The following SPC24 variants were observed in gnomAD, a reference collection of about 807,000 sequenced individuals.
SPC24 encodes the protein kinetochore protein Spc24.
Under a neutral mutation model 27.6 loss-of-function variants are expected in SPC24, and 31 were observed. The ratio of observed to expected loss-of-function variants is 1.12; its 90% confidence interval spans 0.84 to 1.52. The LOEUF (loss-of-function observed/expected upper bound fraction) is 1.52, where lower values mean the gene tolerates loss of function less well. SPC24 is among the 40% of genes most tolerant of loss of function. SPC24 has a pLI of 0.00. For synonymous variants in SPC24, 105 were observed against 105.8 expected (o/e 0.99, Z 0.05); for missense variants, 284 against 252.5 (o/e 1.12, Z -0.84).
In SPC24 at chr19:11,147,861, T is replaced by A; in HGVS notation, c.444A>T (p.Lys148Asn). The change falls in exon 4 of 5, where the codon AAA becomes AAT. Residue 148 changes from lysine (K) to asparagine (N), a missense_variant. Transcript: ENST00000592540. Reference sequence around the variant, plus strand: ...GCTCACACTCATAATCCCACTCAATTTTACTAACTTGGTGGTAAAGTTGAG... The same window carrying A: ...GCTCACACTCATAATCCCACTCAATATTACTAACTTGGTGGTAAAGTTGAG... ...YVAQLYHQVS[K>N]IEWDYECEPG... 6.2e-7 allele frequency: 1 copy of A among 1,609,766 alleles called. No individual in the cohort carries two copies. Among genetic ancestry groups the A allele is most frequent in the Non-Finnish European group, 8.5e-7 (1 of 1,178,862 alleles).
At chr19:11,153,990 C>T (rs1423876224) in intron 1 of SPC24, among the ~76,000 whole-genome samples, 10 of 151,592 alleles carry the variant, frequency 6.6e-5, no homozygotes, top group Admixed American at 2.0e-4. Flanking sequence ...AGGAGAATGG[C>T]GTGAACCCAG....
chr19:11,147,373 T>G, intron 4 of SPC24, 84 bp from the exon 5 acceptor site: 1 of 951,204 alleles, frequency 1.1e-6, no homozygotes, highest in Non-Finnish European at 1.6e-6. Context: ...TTTACTTTTT[T>G]TTTTTGAGAC....
intron 1 of SPC24, among the ~76,000 whole-genome samples, chr19:11,153,527 C>T (rs1017345228): frequency 6.6e-6 from 1 of 151,904 alleles, no homozygotes; most frequent in Non-Finnish European, 1.5e-5. Flanking sequence ...TTTGGGAGAC[C>T]GAGGCGGGCG....
Position 11,146,342 on chromosome 19 carries a change from T to C in SPC24, c.*841A>G, listed in dbSNP as rs11557092. ...CTGTCATCGAATACCACGGTGTCATTTGTCCCATCCCGTCACAGATGTGAA... is the reference window on the plus strand; with the variant it reads ...CTGTCATCGAATACCACGGTGTCATCTGTCCCATCCCGTCACAGATGTGAA... On this transcript the variant is annotated 3_prime_UTR_variant, in exon 5 of 5. Coordinates refer to ENST00000592540, the MANE Select transcript of SPC24 (RefSeq NM_182513.4). 89,426 of 150,984 alleles carry C rather than the reference T, an allele frequency of 0.59. 29,966 individuals are homozygous for C. Among genetic ancestry groups the C allele is most frequent in the Non-Finnish European group, 0.73 (49,782 of 67,874 alleles). The allele number at this position is 150,984 out of a possible 1,614,324, so 9.4% of individuals were successfully genotyped here.
At chr19:11,147,487 A>C (rs1234678137) in intron 4 of SPC24, 198 bp from the exon 5 acceptor site, 1 of 576,128 alleles carries the variant, frequency 1.7e-6, no homozygotes, top group Non-Finnish European at 3.1e-6. Context: ...CAGCCTCCTG[A>C]GTAGCTGGGA....
rs537007489 is a variant in SPC24, at chr19:11,151,094, C to T, written c.161-1856G>A. Among the ~76,000 whole-genome samples the T allele has an allele frequency of 3.1e-4, 41 of 132,570 alleles. No homozygotes were observed. In the East Asian group the frequency reaches 9.1e-3, roughly 29 times the overall value. The allele number at this position is 132,570 out of a possible 152,430, so 87.0% of individuals were successfully genotyped here. ...AGGAGAATGGTGTGAACCTGGGAGG[C>T]GGAGCTTGCAGTGAGCCAAGATCAC... On this transcript the variant is annotated intron_variant, in intron 1 of 4. Coordinates refer to ENST00000592540, the MANE Select transcript of SPC24 (RefSeq NM_182513.4).
chr19:11,152,636 C>T (rs905322554), intron 1 of SPC24, among the ~76,000 whole-genome samples: 1 of 152,108 alleles, frequency 6.6e-6, no homozygotes, highest in African/African-American at 2.4e-5. Flanking sequence ...ATCTGTTTGA[C>T]CCAAAGCCTA....
Position 11,155,725 on chromosome 19 carries a change from G to A in SPC24, c.52C>T (p.Leu18=), listed in dbSNP as rs759108449. 3.8e-6 allele frequency: 6 copies of A among 1,579,276 alleles called. No individual in the cohort carries two copies. Among genetic ancestry groups the A allele is most frequent in the Non-Finnish European group, 5.1e-6 (6 of 1,170,798 alleles). ...EEVSQGLLSL[L]GANRAEAQQR... ...TGCGCCTCCGCGCGGTTGGCGCCCA[G>A]CAGGCTGAGCAGCCCCTGGCTCACC... Residue 18 remains leucine, a synonymous_variant, in exon 1 of 5, where the codon CTG becomes TTG. Coordinates refer to ENST00000592540, the MANE Select transcript of SPC24 (RefSeq NM_182513.4).
intron 4 of SPC24, 106 bp downstream of exon 4, chr19:11,147,712 A>T: frequency 9.8e-7 from 1 of 1,022,744 alleles, no homozygotes; most frequent in South Asian, 1.4e-5. Flanking sequence ...GGGACAACAG[A>T]TGCACGCCAC....
intron 1 of SPC24, among the ~76,000 whole-genome samples, chr19:11,152,935 T>C (rs1003949167): frequency 1.7e-4 from 26 of 151,814 alleles, no homozygotes; most frequent in African/African-American, 4.8e-5. Context: ...GCATTTGCAA[T>C]CCACGCTGCC....
rs139774348 is a variant in SPC24, at chr19:11,150,769, G to A, written c.161-1531C>T. 5.8e-3 allele frequency among the ~76,000 whole-genome samples: 877 copies of A among 152,218 alleles called. 4 individuals carry two copies. The highest frequency in any genetic ancestry group is 0.02 in the Middle Eastern group (6 of 294). On this transcript the variant is annotated intron_variant, in intron 1 of 4. Coordinates refer to ENST00000592540, the MANE Select transcript of SPC24 (RefSeq NM_182513.4). The stretch of plus-strand genomic sequence containing the variant: ...ACTGTGCCACTGCACTCCAGCCTGG[G>A]TGACAGAGAGAGACCCTTTCTCAAA...
intron 1 of SPC24, among the ~76,000 whole-genome samples, chr19:11,154,693 G>C (rs887152962): frequency 2.0e-5 from 3 of 152,130 alleles, no homozygotes; most frequent in African/African-American, 7.2e-5. Context: ...TCCTCGTAAG[G>C]TTCCTAGAGG....
intron 1 of SPC24, among the ~76,000 whole-genome samples, chr19:11,150,519 G>T (rs113347706): frequency 6.6e-6 from 1 of 151,582 alleles, no homozygotes. Flanking sequence ...ACTGGTGGCT[G>T]GGCACAGTGG....
rs1283117437 is a variant in SPC24 at position 11,146,479 on chromosome 19, A to AAAAAAAAAAAAAAAAG, written c.*703_*704insCTTTTTTTTTTTTTTT. 29 of 144,128 alleles carry AAAAAAAAAAAAAAAAG rather than the reference A, an allele frequency of 2.0e-4. No individual in the cohort carries two copies. Among genetic ancestry groups the AAAAAAAAAAAAAAAAG allele is most frequent in the Non-Finnish European group, 3.7e-4 (24 of 65,596 alleles). 8.9% of individuals were successfully genotyped at this position (144,128 alleles called of 1,614,324 possible). On this transcript the variant is annotated 3_prime_UTR_variant, in exon 5 of 5. Coordinates refer to ENST00000592540, the MANE Select transcript of SPC24 (RefSeq NM_182513.4). ...AAGAAATCCAGTAAAAAAAAAAAAA[A>AAAAAAAAAAAAAAAAG]AAAAGGCCAGGCGCGGTGACTCACA... is the stretch of plus-strand genomic sequence containing the variant.
chr19:11,154,096 T>C (rs1471461532), intron 1 of SPC24, among the ~76,000 whole-genome samples: 1 of 151,566 alleles, frequency 6.6e-6, no homozygotes, highest in Non-Finnish European at 1.5e-5. Flanking sequence ...AATACAGTCT[T>C]GAAGAGATAT....
In SPC24 at chr19:11,146,478, A is replaced by AAAAAAAAAAAAAAAAAAAC. The variant is rs2077824377; in HGVS notation, c.*704_*705insGTTTTTTTTTTTTTTTTTT. The AAAAAAAAAAAAAAAAAAAC allele has an allele frequency of 6.9e-6, 1 of 144,710 alleles. No homozygotes were observed. The highest frequency in any genetic ancestry group is 1.5e-5 in the Non-Finnish European group (1 of 66,016). 9.0% of individuals were successfully genotyped at this position (144,710 alleles called of 1,614,324 possible). On this transcript the variant is annotated 3_prime_UTR_variant, in exon 5 of 5. Transcript: ENST00000592540. ...AAAGAAATCCAGTAAAAAAAAAAAAAAAAAAGGCCAGGCGCGGTGACTCAC... is the reference window on the plus strand; with the variant it reads ...AAAGAAATCCAGTAAAAAAAAAAAAAAAAAAAAAAAAAAAAAAACAAAAAGGCCAGGCGCGGTGACTCAC...
chr19:11,147,212 G>A lies in SPC24; in HGVS notation c.565C>T (p.Leu189Phe), dbSNP rs1051489655. The A allele has an allele frequency of 2.2e-5, 34 of 1,556,766 alleles. No homozygotes were observed. Among genetic ancestry groups the A allele is most frequent in the Non-Finnish European group, 3.0e-5 (34 of 1,149,752 alleles). ...QLSRKFISDY[L>F]WSLVDTEW ...CACTCGGTGTCCACCAGACTCCAGA[G>A]GTAGTCGCTGATGAATTTCCTGGAG... Residue 189 changes from leucine to phenylalanine, a missense_variant, in exon 5 of 5, where the codon CTC becomes TTC. Transcript: ENST00000592540.
Position 11,149,188 on chromosome 19 carries a change from C to A in SPC24, c.211G>T (p.Glu71Ter). 6.4e-7 allele frequency: 1 copy of A among 1,550,900 alleles called. No individual in the cohort carries two copies. The change falls in exon 2 of 5, where the codon GAG (glutamate) becomes TAG (stop). Residue 71 changes from glutamate (E) to a stop codon, truncating the protein, a stop_gained. Transcript: ENST00000592540. LOFTEE classifies it high-confidence loss of function. ...EVAQSLLNAK[E>*]QVHQGGVELQ... ...TCCACGCCTCCCTGGTGCACCTGCT[C>A]CTTCGCATTGAGAAGGCTCTGGGCC...
Position 11,152,335 on chromosome 19 carries a change from G to A in SPC24, c.161-3097C>T, listed in dbSNP as rs1251751429. On this transcript the variant is annotated intron_variant, in intron 1 of 4. Coordinates refer to ENST00000592540, the MANE Select transcript of SPC24 (RefSeq NM_182513.4). ...AGCAATTCTCCTGTCTCAGCCTCCC[G>A]AGTAGCTGGGATTACAGGCATGCGC... Among the ~76,000 whole-genome samples, 8 of 152,100 alleles carry A rather than the reference G, an allele frequency of 5.3e-5. No individual in the cohort carries two copies. The East Asian group carries it at 7.7e-4, about 15-fold the overall frequency.
Sources: gnomAD v4.1 joint callset for allele counts (sites outside exome capture counted in the v4.1 genomes callset) on GRCh38, gnomAD v4.1.1 for gene constraint, MANE v1.5 for transcripts, NCBI Gene and HGNC (gene_info 2026-07-23, HGNC 2026-07-21) for gene names.